CDKL4: variants seen among roughly 807,000 people sequenced by gnomAD.
CDKL4 encodes the protein cyclin dependent kinase like 4.
In CDKL4, 44 loss-of-function variants were observed where a neutral mutation model predicts 42.0. The observed-to-expected ratio is 1.05, with a 90% CI of 0.82 to 1.35. The LOEUF is 1.35. Among genes scored for constraint, CDKL4 ranks in the 40% most tolerant of loss-of-function variants. The probability of loss-of-function intolerance (pLI) is 0.00; values close to 1 mark genes in which losing one functional copy is unlikely to be tolerated. For synonymous variants in CDKL4, 120 were observed against 121.6 expected, an observed-to-expected ratio of 0.99 and a Z score of 0.09; for missense variants, 393 against 369.9, an observed-to-expected ratio of 1.06 and a Z score of -0.51.
chr2:39,208,840 A>G (rs182459838), intron 4 of CDKL4, among the ~76,000 whole-genome samples: 1 of 152,178 alleles, frequency 6.6e-6, no homozygotes, highest in East Asian at 1.9e-4. Flanking sequence ...TGATAAAAAC[A>G]ATAAATCATT....
chr2:39,234,958 G>A (rs1365535082), intron 1 of CDKL4, among the ~76,000 whole-genome samples: 1 of 151,270 alleles, frequency 6.6e-6, no homozygotes, highest in Non-Finnish European at 1.5e-5. Context: ...GTGCAATCAT[G>A]ACTCACTGCA....
intron 7 of CDKL4, 36 bp downstream of exon 7, chr2:39,187,591 C>A: frequency 7.2e-7 from 1 of 1,393,468 alleles, no homozygotes; most frequent in Non-Finnish European, 1.0e-6. Context: ...AAAGCCGCAA[C>A]ACAAGTAATA....
intron 8 of CDKL4, among the ~76,000 whole-genome samples, chr2:39,183,212 G>A (rs1457744072): frequency 6.6e-6 from 1 of 152,088 alleles, no homozygotes; most frequent in Non-Finnish European, 1.5e-5. Context: ...CCTGGTTGGC[G>A]GAGGTTACAG....
intron 4 of CDKL4, among the ~76,000 whole-genome samples, chr2:39,207,994 C>T (rs7561710): frequency 0.072 from 10,961 of 151,908 alleles, 1,350 homozygotes; most frequent in African/African-American, 0.25. Flanking sequence ...CCCAGCTACT[C>T]GGGAGGCTGA....
chr2:39,206,339 C>T (rs1411891879), intron 4 of CDKL4, among the ~76,000 whole-genome samples: 1 of 152,208 alleles, frequency 6.6e-6, no homozygotes, highest in Non-Finnish European at 1.5e-5. Flanking sequence ...ACCTCGGTCT[C>T]CCAAAGTGCT....
At chr2:39,209,423 GACC>G in intron 4 of CDKL4, among the ~76,000 whole-genome samples, 1 of 152,144 alleles carries the variant, frequency 6.6e-6, no homozygotes, top group Non-Finnish European at 1.5e-5. Context: ...GCGTTAAATG[GACC>G]ACTTTGGTTA....
At chr2:39,239,613 G>A (rs1338729791) in intron 1 of CDKL4, among the ~76,000 whole-genome samples, 1 of 152,214 alleles carries the variant, frequency 6.6e-6, no homozygotes, top group Non-Finnish European at 1.5e-5. Context: ...GATGCTGTTA[G>A]CCATTAGGGA....
chr2:39,170,767 A>G (rs1674978814), downstream of CDKL4, among the ~76,000 whole-genome samples: 1 of 151,972 alleles, frequency 6.6e-6, no homozygotes, highest in Non-Finnish European at 1.5e-5. Context: ...CCAGTTTTTT[A>G]AGGATATTAA....
chr2:39,212,598 G>A (rs1244635774), intron 4 of CDKL4, among the ~76,000 whole-genome samples: 1 of 151,660 alleles, frequency 6.6e-6, no homozygotes, highest in African/African-American at 2.4e-5. Flanking sequence ...GGACTTAAGA[G>A]ACTTAAAAAT....
intron 5 of CDKL4, among the ~76,000 whole-genome samples, chr2:39,203,227 G>A (rs558505496): frequency 2.6e-5 from 4 of 152,234 alleles, no homozygotes; most frequent in African/African-American, 9.6e-5. Flanking sequence ...AAAAAAGAAT[G>A]CATATTCATG....
In CDKL4 at chr2:39,186,027, A is replaced by T. The variant is rs576418111; in HGVS notation, c.736-1380T>A. On this transcript the variant is annotated intron_variant, in intron 7 of 9. Transcript: ENST00000451199. Reference sequence around the variant, plus strand: ...GCACTACAGAAATCAAAAGAATGAAAAACACAACATTCAGAATGATGAGGA... The same window carrying T: ...GCACTACAGAAATCAAAAGAATGAATAACACAACATTCAGAATGATGAGGA... Among the ~76,000 whole-genome samples the T allele has an allele frequency of 1.2e-3, 176 of 152,296 alleles. 1 individual carries two copies. Among genetic ancestry groups the T allele is most frequent in the African/African-American group, 4.0e-3 (166 of 41,554 alleles).
upstream of CDKL4, among the ~76,000 whole-genome samples, chr2:39,245,407 C>G (rs1029775551): frequency 3.3e-5 from 5 of 152,104 alleles, no homozygotes; most frequent in Admixed American, 1.3e-4. Context: ...ATCTGAACAT[C>G]AGAAGGAACA....
chr2:39,203,673 T>C (rs932724982), intron 5 of CDKL4, among the ~76,000 whole-genome samples: 5 of 152,222 alleles, frequency 3.3e-5, no homozygotes, highest in African/African-American at 1.2e-4. Context: ...CAAACATCCC[T>C]ACTAATGGCA....
intron 2 of CDKL4, among the ~76,000 whole-genome samples, chr2:39,228,995 T>C (rs1678928132): frequency 6.6e-6 from 1 of 152,134 alleles, no homozygotes; most frequent in South Asian, 2.1e-4. Flanking sequence ...ATTGGTGCGG[T>C]CCTGTGGGAC....
At chr2:39,185,598 G>T (rs1558547917) in intron 7 of CDKL4, among the ~76,000 whole-genome samples, 1 of 150,442 alleles carries the variant, frequency 6.6e-6, no homozygotes, top group South Asian at 2.1e-4. Context: ...GAGTAGCTGG[G>T]ACTACAGGCG....
At position 39,179,172 on chromosome 2, in the gene CDKL4, T is replaced by G; in HGVS notation, c.927+15A>C. ...GAATTATTTTTATAGCACTTTAACT[T>G]TTGAGCGGAAGTACCTGTTGGCGTC... On this transcript the variant is annotated intron_variant, in intron 9 of 9. Coordinates refer to ENST00000451199, the Ensembl canonical transcript of CDKL4. The G allele has an allele frequency of 6.3e-7, 1 of 1,586,972 alleles. No individual in the cohort carries two copies. Among genetic ancestry groups the G allele is most frequent in the Non-Finnish European group, 8.5e-7 (1 of 1,173,640 alleles).
At chr2:39,172,017 A>G (rs1019683916), downstream of CDKL4, among the ~76,000 whole-genome samples, 1 of 152,196 alleles carries the variant, frequency 6.6e-6, no homozygotes, top group Admixed American at 6.5e-5. Flanking sequence ...AAGATAAAAA[A>G]TGCATTACAC....
At chr2:39,195,523 G>T (rs1407203720) in intron 5 of CDKL4, among the ~76,000 whole-genome samples, 11 of 152,046 alleles carry the variant, frequency 7.2e-5, no homozygotes, top group Admixed American at 2.0e-4. Flanking sequence ...GTGCAAAGTG[G>T]TATCTAACTG....
chr2:39,201,136 T>A (rs1006707985), intron 5 of CDKL4, among the ~76,000 whole-genome samples: 2 of 151,428 alleles, frequency 1.3e-5, no homozygotes, highest in Non-Finnish European at 2.9e-5. Context: ...AACAATCCCA[T>A]CAAAAAGTGG....
Sources: gnomAD v4.1 joint callset for allele counts (sites outside exome capture counted in the v4.1 genomes callset) on GRCh38, gnomAD v4.1.1 for gene constraint, MANE v1.5 for transcripts, NCBI Gene and HGNC (gene_info 2026-07-23, HGNC 2026-07-21) for gene names.